The following SHANK2 variants were observed in gnomAD, a reference collection of about 807,000 sequenced individuals.
SHANK2 encodes the protein SH3 and multiple ankyrin repeat domains 2.
Under a neutral mutation model 133.7 loss-of-function variants are expected in SHANK2, and 43 were observed. That is an observed-to-expected ratio of 0.32 (90% CI 0.25 to 0.41). The LOEUF (loss-of-function observed/expected upper bound fraction) is 0.41. Among genes scored for constraint, SHANK2 ranks in the 10% least tolerant of loss-of-function variants. The pLI, the probability that SHANK2 is intolerant of heterozygous loss-of-function variation, is 1.00. For missense variants in SHANK2, 1,994 were observed against 2,235.8 expected, an observed-to-expected ratio of 0.89 and a Z score of 2.18; for synonymous variants, 1,017 against 952.8, an observed-to-expected ratio of 1.07 and a Z score of -1.24.
At chr11:71,201,299 T>G (rs1008777615) in intron 2 of SHANK2, among the ~76,000 whole-genome samples, 1 of 152,242 alleles carries the variant, frequency 6.6e-6, no homozygotes, top group Non-Finnish European at 1.5e-5. Context: ...GAAGCACCTC[T>G]TGTCTCATGG....
At chr11:71,140,870 G>A (rs77623281) in intron 3 of SHANK2, among the ~76,000 whole-genome samples, 2,664 of 152,306 alleles carry the variant, frequency 0.017, 83 homozygotes, top group African/African-American at 0.061. Flanking sequence ...CCTTCCTGCC[G>A]GGAATTCAAC....
At chr11:70,870,276 T>C (rs530800630) in intron 11 of SHANK2, among the ~76,000 whole-genome samples, 1 of 152,102 alleles carries the variant, frequency 6.6e-6, no homozygotes, top group East Asian at 1.9e-4. Context: ...CCTCCTGCAG[T>C]CCATCTGGGC....
intron 17 of SHANK2, among the ~76,000 whole-genome samples, chr11:70,617,823 C>T (rs1450992674): frequency 2.0e-5 from 3 of 152,098 alleles, no homozygotes; most frequent in African/African-American, 4.8e-5. Context: ...GAACATCACA[C>T]ACCGGGGCCT....
intron 4 of SHANK2, among the ~76,000 whole-genome samples, chr11:71,117,518 A>G (rs542363781): frequency 6.6e-6 from 1 of 152,340 alleles, no homozygotes; most frequent in African/African-American, 2.4e-5. Context: ...GGTGGCCGGA[A>G]GGATCAGACT....
At chr11:70,932,477 G>A (rs1950516883) in intron 10 of SHANK2, among the ~76,000 whole-genome samples, 1 of 152,252 alleles carries the variant, frequency 6.6e-6, no homozygotes, top group Non-Finnish European at 1.5e-5. Flanking sequence ...ACCAGAGGCA[G>A]ATCCATGCCC....
At chr11:71,240,388 T>C (rs1954873683) in intron 1 of SHANK2, among the ~76,000 whole-genome samples, 1 of 152,180 alleles carries the variant, frequency 6.6e-6, no homozygotes, top group Non-Finnish European at 1.5e-5. Flanking sequence ...CTTCTCTCCC[T>C]AGCCCCTCTC....
At chr11:70,926,920 C>T (rs1347634321) in intron 10 of SHANK2, among the ~76,000 whole-genome samples, 2 of 152,178 alleles carry the variant, frequency 1.3e-5, no homozygotes, top group East Asian at 1.9e-4. Flanking sequence ...CTGACCCACT[C>T]GAGCTGGAGG....
intron 17 of SHANK2, among the ~76,000 whole-genome samples, chr11:70,599,883 GAAAGAAAA>G (rs1214107377): frequency 3.4e-5 from 3 of 89,524 alleles, no homozygotes; most frequent in Non-Finnish European, 6.5e-5. Context: ...AAGAAAGAAA[GAAAGAAAA>G]AGAAAGAAAG....
At chr11:70,580,529 C>A (rs1367643320) in intron 17 of SHANK2, among the ~76,000 whole-genome samples, 1 of 152,220 alleles carries the variant, frequency 6.6e-6, no homozygotes, top group African/African-American at 2.4e-5. Context: ...CTTGTCTGGG[C>A]AGTCTGGGTC....
chr11:70,764,945 T>C (rs1555041037), intron 14 of SHANK2, among the ~76,000 whole-genome samples: 1 of 152,256 alleles, frequency 6.6e-6, no homozygotes, highest in Non-Finnish European at 1.5e-5. Flanking sequence ...GTGTTACATA[T>C]GGCCCCTCTC....
chr11:70,792,914 C>A (rs781616313), intron 14 of SHANK2, among the ~76,000 whole-genome samples: 1 of 151,964 alleles, frequency 6.6e-6, no homozygotes, highest in Admixed American at 6.6e-5. Flanking sequence ...AGTGAGAACT[C>A]GTCTCTACAA....
At chr11:70,800,777 C>G (rs1444338408) in intron 13 of SHANK2, among the ~76,000 whole-genome samples, 7 of 152,310 alleles carry the variant, frequency 4.6e-5, no homozygotes, top group South Asian at 2.1e-4. Context: ...GAACCCTGGA[C>G]CTGAGAGGGT....
chr11:70,795,756 T>C (rs1310795147), intron 14 of SHANK2, among the ~76,000 whole-genome samples: 2 of 151,102 alleles, frequency 1.3e-5, no homozygotes. Context: ...GAAGGGAGGG[T>C]TGGAGAGATG....
chr11:70,534,881 A>G (rs572257561), intron 17 of SHANK2, among the ~76,000 whole-genome samples: 2 of 152,198 alleles, frequency 1.3e-5, no homozygotes, highest in African/African-American at 4.8e-5. Flanking sequence ...GAGTGCAGTC[A>G]GGCCATGAAG....
At chr11:71,177,227 C>T (rs927162627) in intron 2 of SHANK2, among the ~76,000 whole-genome samples, 1 of 152,046 alleles carries the variant, frequency 6.6e-6, no homozygotes, top group Non-Finnish European at 1.5e-5. Context: ...ATATGAATTA[C>T]ACAAAAGAGT....
chr11:71,204,488 G>A (rs1430010000), intron 2 of SHANK2, among the ~76,000 whole-genome samples: 1 of 152,162 alleles, frequency 6.6e-6, no homozygotes, highest in African/African-American at 2.4e-5. Context: ...GACGGGAAGA[G>A]GCACCACAGG....
At chr11:70,560,062 G>A (rs2059887415) in intron 17 of SHANK2, among the ~76,000 whole-genome samples, 1 of 151,976 alleles carries the variant, frequency 6.6e-6, no homozygotes, top group Non-Finnish European at 1.5e-5. Flanking sequence ...AGTAGAGATA[G>A]GGTTTTGGCA....
intron 11 of SHANK2, among the ~76,000 whole-genome samples, chr11:70,861,316 C>T (rs1451740526): frequency 6.6e-6 from 1 of 152,194 alleles, no homozygotes. Context: ...AGGACTAATG[C>T]TTTTAAAACA....
chr11:70,584,023 G>T (rs139011617), intron 17 of SHANK2, among the ~76,000 whole-genome samples: 15 of 152,230 alleles, frequency 9.9e-5, no homozygotes, highest in Admixed American at 7.2e-4. Flanking sequence ...TGCAGCCACC[G>T]CGAGCATGCT....
Sources: allele counts gnomAD v4.1 joint callset (sites outside exome capture counted in the v4.1 genomes callset), GRCh38; gene constraint gnomAD v4.1.1; transcripts MANE v1.5; gene names NCBI Gene and HGNC (gene_info 2026-07-23, HGNC 2026-07-21).